The following GABARAPL1 variants were observed in gnomAD, a reference collection of about 807,000 sequenced individuals.
GABARAPL1 encodes the protein gamma-aminobutyric acid receptor-associated protein-like 1.
A neutral mutation model predicts 14.5 loss-of-function variants in GABARAPL1; 4 were observed. The ratio of observed to expected loss-of-function variants is 0.28; its 90% CI spans 0.14 to 0.63. The LOEUF (loss-of-function observed/expected upper bound fraction) is 0.63, where lower values mean the gene tolerates loss of function less well. GABARAPL1 is among the 30% of genes least tolerant of loss of function. The probability of loss-of-function intolerance (pLI) is 0.84; values close to 1 mark genes in which losing one functional copy is unlikely to be tolerated. For missense variants in GABARAPL1, 82 were observed against 139.2 expected (o/e 0.59, Z 2.07); for synonymous variants, 47 against 50.6 (o/e 0.93, Z 0.30).
intron 3 of GABARAPL1, chr12:10,220,801 T>G: frequency 6.9e-7 from 1 of 1,450,596 alleles, no homozygotes; most frequent in South Asian, 1.4e-5. Context: ...CTTGTCTGAC[T>G]ATAGTGTTTT....
Position 10,216,265 on chromosome 12 carries a change from G to T in GABARAPL1, c.91-1798G>T, listed in dbSNP as rs938037711. On this transcript the variant is annotated intron_variant, in intron 1 of 3. Transcript: ENST00000266458. ...ATGCGCCTGTAATCCCTGCTACTCC[G>T]GAGGCTGAGGCAGGAGAATCGCTTG... is the stretch of plus-strand genomic sequence containing the variant. 3.3e-5 allele frequency among the ~76,000 whole-genome samples: 5 copies of T among 152,070 alleles called. No individual in the cohort carries two copies. In the South Asian group the frequency reaches 1.0e-3, roughly 32 times the overall value.
rs1949124960 is a variant in GABARAPL1, at chr12:10,222,478, A to G, written c.*626A>G. 6.5e-6 allele frequency: 1 copy of G among 153,238 alleles called. No homozygotes were observed. The highest frequency in any genetic ancestry group is 2.4e-5 in the African/African-American group (1 of 41,438). The allele number at this position is 153,238 out of a possible 1,614,324, so 9.5% of individuals were successfully genotyped here. ...GACAGGGATCTCTTACCTTTGGAAA[A>G]TAGGGGTTAGGCATGAAGGTGGTTG... On this transcript the variant is annotated 3_prime_UTR_variant, in exon 4 of 4. Coordinates refer to ENST00000266458, the MANE Select transcript of GABARAPL1 (RefSeq NM_031412.4).
intron 1 of GABARAPL1, 193 bp downstream of exon 1, chr12:10,213,412 C>T: frequency 1.5e-6 from 1 of 653,816 alleles, no homozygotes; most frequent in Non-Finnish European, 2.8e-6. Context: ...ACCCCGTATG[C>T]CTGGGCCCCG....
chr12:10,218,160 C>G lies in GABARAPL1; in HGVS notation c.169+19C>G, dbSNP rs773703548. 8 of 1,447,636 alleles carry G rather than the reference C, an allele frequency of 5.5e-6. No individual in the cohort carries two copies. Among genetic ancestry groups the G allele is most frequent in the Non-Finnish European group, 6.8e-6 (7 of 1,028,374 alleles). The allele number at this position is 1,447,636 out of a possible 1,614,324, so 89.7% of individuals were successfully genotyped here. On this transcript the variant is annotated intron_variant, in intron 2 of 3. Coordinates refer to ENST00000266458, the MANE Select transcript of GABARAPL1 (RefSeq NM_031412.4). ...CTTACTGGTAATGCTCTTTGCCTTC[C>G]CTGACCCTTCCTCCGGTGAAAAAAC... is the stretch of plus-strand genomic sequence containing the variant.
At chr12:10,217,997 T>C (rs868693156) in intron 1 of GABARAPL1, 66 bp from the exon 2 acceptor site, 1 of 936,484 alleles carries the variant, frequency 1.1e-6, no homozygotes. Flanking sequence ...AACTCTAGGG[T>C]GTAGAAGGAA....
At chr12:10,219,337 A>C (rs1370568769) in intron 2 of GABARAPL1, among the ~76,000 whole-genome samples, 1 of 151,226 alleles carries the variant, frequency 6.6e-6, no homozygotes, top group Non-Finnish European at 1.5e-5. Context: ...AAAAAACAAA[A>C]AAAAAAAACC....
chr12:10,221,708 C>CA, intron 3 of GABARAPL1, 79 bp from the exon 4 acceptor site: 2 of 1,506,972 alleles, frequency 1.3e-6, no homozygotes, highest in Non-Finnish European at 1.8e-6. Context: ...ACCTGCTTTA[C>CA]AAGGTTGTGT....
chr12:10,221,449 TA>T, intron 3 of GABARAPL1: 2 of 927,280 alleles, frequency 2.2e-6, no homozygotes, highest in South Asian at 5.0e-5. Flanking sequence ...TTTTTTTGCA[TA>T]GCATATATTC....
Position 10,213,014 on chromosome 12 carries a change from C to T in GABARAPL1, c.-116C>T. 2 of 668,360 alleles carry T rather than the reference C, an allele frequency of 3.0e-6. No individual in the cohort carries two copies. Among genetic ancestry groups the T allele is most frequent in the Non-Finnish European group, 5.4e-6 (2 of 368,630 alleles). 41.4% of individuals were successfully genotyped at this position (668,360 alleles called of 1,614,324 possible). On this transcript the variant is annotated 5_prime_UTR_variant, in exon 1 of 4. Coordinates refer to ENST00000266458, the MANE Select transcript of GABARAPL1 (RefSeq NM_031412.4). Reference sequence around the variant, plus strand: ...CGGCCCAGCGCTGTTGCCCCCGGAGCGGACGTTTCTGCAGCTATTCTGAGC... The same window carrying T: ...CGGCCCAGCGCTGTTGCCCCCGGAGTGGACGTTTCTGCAGCTATTCTGAGC...
chr12:10,220,594 C>T (rs1450058464), intron 3 of GABARAPL1, 36 bp downstream of exon 3: 2 of 1,613,844 alleles, frequency 1.2e-6, no homozygotes, highest in South Asian at 1.1e-5. Context: ...GGATGCCGTC[C>T]AGTGCAGTCT....
At chr12:10,218,246 GAAGT>G (rs1276949694) in intron 2 of GABARAPL1, 105 bp downstream of exon 2, 14 of 773,466 alleles carry the variant, frequency 1.8e-5, no homozygotes, top group Non-Finnish European at 3.3e-5. Flanking sequence ...ATACTTGAAG[GAAGT>G]GAGTGGGATG....
intron 1 of GABARAPL1, 33 bp downstream of exon 1, chr12:10,213,252 G>T (rs972783503): frequency 8.0e-7 from 1 of 1,252,802 alleles, no homozygotes; most frequent in Admixed American, 2.0e-5. Flanking sequence ...GATGGGAGGG[G>T]AAGGGCCCGC....
intron 1 of GABARAPL1, among the ~76,000 whole-genome samples, chr12:10,217,224 ACAT>A (rs1368794334): frequency 6.6e-6 from 1 of 152,204 alleles, no homozygotes; most frequent in Non-Finnish European, 1.5e-5. Flanking sequence ...TGTTGTGCTG[ACAT>A]CATATTATAG....
rs1592006858 is a variant in GABARAPL1, at chr12:10,222,012, T to C, written c.*160T>C. The C allele has an allele frequency of 6.2e-6, 4 of 648,318 alleles. No homozygotes were observed. The highest frequency in any genetic ancestry group is 5.4e-5 in the African/African-American group (3 of 55,172). 40.2% of individuals were successfully genotyped at this position (648,318 alleles called of 1,614,324 possible). ...CACACACCGTCATCACATTTTCACA[T>C]GCTCAATTGATATTTTTTGCTGCTT... On this transcript the variant is annotated 3_prime_UTR_variant, in exon 4 of 4. Transcript: ENST00000266458.
At chr12:10,214,257 TCA>T (rs1949075696) in intron 1 of GABARAPL1, 1 of 166,960 alleles carries the variant, frequency 6.0e-6, no homozygotes, top group Non-Finnish European at 1.3e-5. Context: ...TTTTCTTGAC[TCA>T]CAGCCACTCT....
chr12:10,216,441 AC>A (rs1368340187), intron 1 of GABARAPL1, among the ~76,000 whole-genome samples: 2 of 150,196 alleles, frequency 1.3e-5, no homozygotes, highest in East Asian at 3.9e-4. Context: ...TCACACAGCC[AC>A]TAGAAGTACT....
Position 10,212,888 on chromosome 12 carries a change from C to G in GABARAPL1, c.-242C>G, listed in dbSNP as rs1031431028. Reference sequence around the variant, plus strand: ...CGCGCCACCCAGCTGTTTTTGTGCTCCCAGCTCTAGCGAAAAGCCGCCGGT... The same window carrying G: ...CGCGCCACCCAGCTGTTTTTGTGCTGCCAGCTCTAGCGAAAAGCCGCCGGT... On this transcript the variant is annotated 5_prime_UTR_variant, in exon 1 of 4. Coordinates refer to ENST00000266458, the MANE Select transcript of GABARAPL1 (RefSeq NM_031412.4). 6 of 436,556 alleles carry G rather than the reference C, an allele frequency of 1.4e-5. No homozygotes were observed. Among genetic ancestry groups the G allele is most frequent in the Admixed American group, 8.0e-5 (2 of 24,988 alleles). 27.0% of individuals were successfully genotyped at this position (436,556 alleles called of 1,614,324 possible). A position where few individuals can be genotyped will look rare whatever the true frequency, so the allele number is the denominator to read the frequency against.
chr12:10,220,866 C>G (rs1949117328), intron 3 of GABARAPL1: 4 of 1,417,044 alleles, frequency 2.8e-6, no homozygotes, highest in African/African-American at 1.4e-5. Context: ...GCAAAAGTTC[C>G]AAAGCGTCAG....
intron 1 of GABARAPL1, among the ~76,000 whole-genome samples, chr12:10,217,193 A>G (rs894950504): frequency 1.3e-5 from 2 of 152,182 alleles, no homozygotes; most frequent in Non-Finnish European, 2.9e-5. Flanking sequence ...GTCCTAACAT[A>G]ATCAATATCT....
Sources: allele counts gnomAD v4.1 joint callset (sites outside exome capture counted in the v4.1 genomes callset), GRCh38; gene constraint gnomAD v4.1.1; transcripts MANE v1.5; gene names NCBI Gene and HGNC (gene_info 2026-07-23, HGNC 2026-07-21).